The following FRMD4B variants were observed in gnomAD, a reference collection of about 807,000 sequenced individuals.
The protein encoded by FRMD4B is FERM domain-containing protein 4B.
A neutral mutation model predicts 141.5 loss-of-function variants in FRMD4B; 74 were observed. The ratio of observed to expected loss-of-function variants is 0.52; its 90% CI spans 0.43 to 0.63. The LOEUF (loss-of-function observed/expected upper bound fraction) is 0.63. FRMD4B is among the 30% of genes least tolerant of loss of function. The probability of loss-of-function intolerance (pLI) is 0.00; values close to 1 mark genes in which losing one functional copy is unlikely to be tolerated. For synonymous variants in FRMD4B, 506 were observed against 467.9 expected, an observed-to-expected ratio of 1.08 and a Z score of -1.05; for missense variants, 1,366 against 1,253.4, an observed-to-expected ratio of 1.09 and a Z score of -1.36.
intron 2 of FRMD4B, among the ~76,000 whole-genome samples, chr3:69,420,706 G>A (rs541897977): frequency 6.6e-6 from 1 of 152,296 alleles, no homozygotes; most frequent in East Asian, 1.9e-4. Flanking sequence ...CATTCATACT[G>A]TGAAACACTA....
rs187623355 is a variant in FRMD4B at position 69,522,242 on chromosome 3, T to C, written c.-129+19964A>G. 3.1e-4 allele frequency among the ~76,000 whole-genome samples: 47 copies of C among 152,228 alleles called. No individual in the cohort carries two copies. The East Asian group carries it at 6.4e-3, about 21-fold the overall frequency. ...GCTTTCTCATCGTTTCCAGATCTGATGCAGGTCAGCTTGAGGGAGGAGAGA... is the reference window on the plus strand; with the variant it reads ...GCTTTCTCATCGTTTCCAGATCTGACGCAGGTCAGCTTGAGGGAGGAGAGA... On this transcript the variant is annotated intron_variant, in intron 1 of 5. Transcript: ENST00000459638.
intron 1 of FRMD4B, among the ~76,000 whole-genome samples, chr3:69,342,897 C>G (rs910830223): frequency 6.6e-6 from 1 of 151,998 alleles, no homozygotes; most frequent in African/African-American, 2.4e-5. Context: ...ACACTAGAGG[C>G]TAGGAAGGGT....
chr3:69,368,676 T>C (rs926520881), intron 1 of FRMD4B, among the ~76,000 whole-genome samples: 23 of 152,170 alleles, frequency 1.5e-4, no homozygotes, highest in African/African-American at 5.6e-4. Flanking sequence ...GGCAAGCCAA[T>C]AATGTGGGAG....
Position 69,456,390 on chromosome 3 carries a change from A to G in FRMD4B, c.-128-23629T>C, listed in dbSNP as rs115451912. Among the ~76,000 whole-genome samples, 647 of 152,342 alleles carry G rather than the reference A, an allele frequency of 4.2e-3. 4 individuals are homozygous for G. The highest frequency in any genetic ancestry group is 0.015 in the African/African-American group (614 of 41,578). On this transcript the variant is annotated intron_variant, in intron 1 of 5. Transcript: ENST00000459638. ...TATTCCATTTCAAGGAATTTACCCT[A>G]AGGAAAAAATGATGGTTTTTCATAA...
chr3:69,335,373 T>C (rs1320557740), intron 1 of FRMD4B, among the ~76,000 whole-genome samples: 1 of 734 alleles, frequency 1.4e-3, no homozygotes, highest in Non-Finnish European at 0.05. Flanking sequence ...CATTATTGCA[T>C]TTTTTTTTTT....
intron 3 of FRMD4B, among the ~76,000 whole-genome samples, chr3:69,306,179 A>G (rs1022480833): frequency 2.0e-5 from 3 of 152,264 alleles, no homozygotes; most frequent in East Asian, 3.8e-4. Context: ...CCACTGAAAT[A>G]TAAAGGTTAC....
At chr3:69,451,622 A>G (rs1264057831) in intron 1 of FRMD4B, among the ~76,000 whole-genome samples, 4 of 152,216 alleles carry the variant, frequency 2.6e-5, no homozygotes, top group Non-Finnish European at 4.4e-5. Flanking sequence ...ACTAGCAACC[A>G]TTCCTTATGG....
intron 2 of FRMD4B, among the ~76,000 whole-genome samples, chr3:69,409,335 T>C (rs764104096): frequency 7.9e-5 from 12 of 152,212 alleles, no homozygotes; most frequent in African/African-American, 2.7e-4. Context: ...TTCATTTCAA[T>C]TGGAAACTCA....
chr3:69,372,893 G>T (rs1703867451), intron 1 of FRMD4B, among the ~76,000 whole-genome samples: 1 of 152,102 alleles, frequency 6.6e-6, no homozygotes, highest in South Asian at 2.1e-4. Context: ...TAAAAATGAG[G>T]CACAGACATG....
At chr3:69,388,020 C>G (rs981054), upstream of FRMD4B, among the ~76,000 whole-genome samples, 1 of 151,678 alleles carries the variant, frequency 6.6e-6, no homozygotes, top group Non-Finnish European at 1.5e-5. Flanking sequence ...GAACTGTCAT[C>G]ATGCTGAATG....
At chr3:69,377,405 C>T (rs1429823902) in intron 1 of FRMD4B, among the ~76,000 whole-genome samples, 2 of 152,224 alleles carry the variant, frequency 1.3e-5, no homozygotes, top group African/African-American at 4.8e-5. Context: ...CTAGATTCTA[C>T]ATCCTCACAT....
intron 1 of FRMD4B, among the ~76,000 whole-genome samples, chr3:69,533,753 G>A (rs1481926249): frequency 3.3e-5 from 5 of 152,068 alleles, no homozygotes; most frequent in Non-Finnish European, 5.9e-5. Context: ...AGGCCCAAGC[G>A]CAGTACCATC....
At chr3:69,415,425 C>T (rs114135491) in intron 2 of FRMD4B, among the ~76,000 whole-genome samples, 1,682 of 152,188 alleles carry the variant, frequency 0.011, 37 homozygotes, top group African/African-American at 0.039. Context: ...TGGTCAAGCC[C>T]CATCTACCTC....
At chr3:69,224,091 A>C (rs947000416) in intron 8 of FRMD4B, among the ~76,000 whole-genome samples, 1 of 152,184 alleles carries the variant, frequency 6.6e-6, no homozygotes, top group African/African-American at 2.4e-5. Context: ...AAGTATTTTA[A>C]GGGAAAACGT....
At chr3:69,174,959 A>G (rs1276499807) in intron 22 of FRMD4B, among the ~76,000 whole-genome samples, 1 of 152,250 alleles carries the variant, frequency 6.6e-6, no homozygotes. Context: ...AAGCTATTTG[A>G]CATCCTCTGA....
intron 7 of FRMD4B, 144 bp downstream of exon 7, chr3:69,249,082 T>C: frequency 1.7e-6 from 1 of 574,284 alleles, no homozygotes; most frequent in Non-Finnish European, 3.1e-6. Context: ...AATAGGTCTC[T>C]ATTTGAAGAG....
chr3:69,196,789 A>T, intron 13 of FRMD4B, 111 bp downstream of exon 13: 1 of 804,510 alleles, frequency 1.2e-6, no homozygotes, highest in Non-Finnish European at 1.9e-6. Context: ...AACGCAAAAA[A>T]ATCTCAGAGA....
intron 1 of FRMD4B, among the ~76,000 whole-genome samples, chr3:69,469,706 A>T (rs970113806): frequency 6.6e-6 from 1 of 152,256 alleles, no homozygotes; most frequent in African/African-American, 2.4e-5. Context: ...AAAATTAAAG[A>T]CAGACAAATA....
chr3:69,345,810 T>C (rs964550754), intron 1 of FRMD4B, among the ~76,000 whole-genome samples: 2 of 152,070 alleles, frequency 1.3e-5, no homozygotes, highest in Non-Finnish European at 2.9e-5. Context: ...AGAAAGGACA[T>C]CCACACCAAA....
Sources: gnomAD v4.1 joint callset for allele counts (sites outside exome capture counted in the v4.1 genomes callset) on GRCh38, gnomAD v4.1.1 for gene constraint, MANE v1.5 for transcripts, NCBI Gene and HGNC (gene_info 2026-07-23, HGNC 2026-07-21) for gene names.